ITSN1: variants seen among roughly 807,000 people sequenced by gnomAD.
The protein encoded by ITSN1 is intersectin 1, also known as intersectin-1.
In ITSN1, 58 loss-of-function variants were observed where a neutral mutation model predicts 239.8. That is an observed-to-expected ratio of 0.24 (90% confidence interval 0.20 to 0.30). The LOEUF is 0.30. Among genes scored for constraint, ITSN1 ranks in the 10% least tolerant of loss-of-function variants. The pLI is 1.00. For missense variants in ITSN1, 1,558 were observed against 2,103.3 expected (o/e 0.74, Z 5.07); for synonymous variants, 780 against 770.8 (o/e 1.01, Z -0.20).
At position 33,881,323 on chromosome 21, in the gene ITSN1, C is replaced by T. The variant is rs113860396; in HGVS notation, c.4342-920C>T. On this transcript the variant is annotated intron_variant, in intron 34 of 39. Transcript: ENST00000381318. ...CCGGGAGGCTGAGGCAGGAGAATGGCGTCAACCCGGGAGGCGGAGCTTGCA... is the reference window on the plus strand; with the variant it reads ...CCGGGAGGCTGAGGCAGGAGAATGGTGTCAACCCGGGAGGCGGAGCTTGCA... Among the ~76,000 whole-genome samples, 241 of 150,538 alleles carry T rather than the reference C, an allele frequency of 1.6e-3. 4 individuals are homozygous for T. The highest frequency in any genetic ancestry group is 5.6e-3 in the African/African-American group (227 of 40,876).
At chr21:33,786,195 G>A (rs2070661828) in intron 16 of ITSN1, among the ~76,000 whole-genome samples, 1 of 152,192 alleles carries the variant, frequency 6.6e-6, no homozygotes, top group African/African-American at 2.4e-5. Context: ...ATTATTGCTA[G>A]CATGAATTAG....
At position 33,802,374 on chromosome 21, in the gene ITSN1, C is replaced by A; in HGVS notation, c.2305-56C>A. The A allele has an allele frequency of 1.3e-5, 20 of 1,555,056 alleles. No individual in the cohort carries two copies. In the South Asian group the frequency reaches 2.0e-4, roughly 16 times the overall value. Reference sequence around the variant, plus strand: ...GTTTAGATATGCTGTAAGAATAAAGCATGTCATTAAACATATATTTTGCCT... The same window carrying A: ...GTTTAGATATGCTGTAAGAATAAAGAATGTCATTAAACATATATTTTGCCT... On this transcript the variant is annotated intron_variant, in intron 19 of 39. Transcript: ENST00000381318.
chr21:33,722,791 C>A (rs1023453298), intron 4 of ITSN1, 140 bp downstream of exon 4: 25 of 800,880 alleles, frequency 3.1e-5, no homozygotes, highest in Non-Finnish European at 4.2e-5. Flanking sequence ...TTACTTCTTA[C>A]CAGAGAGTTA....
intron 1 of ITSN1, among the ~76,000 whole-genome samples, chr21:33,671,771 G>A (rs1320305105): frequency 6.6e-6 from 1 of 151,664 alleles, no homozygotes; most frequent in Non-Finnish European, 1.5e-5. Flanking sequence ...CAGTCTGGGC[G>A]ACAAAGCGAG....
intron 1 of ITSN1, among the ~76,000 whole-genome samples, chr21:33,678,098 G>T (rs1037935997): frequency 1.3e-5 from 2 of 152,128 alleles, no homozygotes; most frequent in African/African-American, 4.8e-5. Context: ...TGCTTCTCCA[G>T]TTTCTTCCTT....
At chr21:33,684,495 C>T (rs1243548913) in intron 1 of ITSN1, among the ~76,000 whole-genome samples, 2 of 152,082 alleles carry the variant, frequency 1.3e-5, no homozygotes, top group Non-Finnish European at 2.9e-5. Context: ...CTAAGGTTAG[C>T]TTGTAGGAAC....
chr21:33,854,575 C>T (rs1426564018), intron 29 of ITSN1, among the ~76,000 whole-genome samples: 7 of 152,232 alleles, frequency 4.6e-5, no homozygotes, highest in African/African-American at 1.7e-4. Context: ...TCAAAGAACT[C>T]GGAGACATCA....
chr21:33,867,386 G>T, intron 33 of ITSN1, 55 bp downstream of exon 33: 3 of 967,812 alleles, frequency 3.1e-6, no homozygotes, highest in Non-Finnish European at 5.0e-6. Context: ...GCATTGGAGA[G>T]GGCTGGGGTC....
In ITSN1 at chr21:33,728,379, C is replaced by T. The variant is rs1010721762; in HGVS notation, c.185+5728C>T. Among the ~76,000 whole-genome samples, 3 of 152,022 alleles carry T rather than the reference C, an allele frequency of 2.0e-5. No homozygotes were observed. The South Asian group carries it at 6.2e-4, about 32-fold the overall frequency. Reference sequence around the variant, plus strand: ...TCCCGAGTAGCTGGGACTACAGGCGCGCGCCACTATGCCCAGCTAATTTTT... The same window carrying T: ...TCCCGAGTAGCTGGGACTACAGGCGTGCGCCACTATGCCCAGCTAATTTTT... On this transcript the variant is annotated intron_variant, in intron 4 of 39. Transcript: ENST00000381318.
chr21:33,742,981 A>G (rs1427144256), intron 5 of ITSN1, among the ~76,000 whole-genome samples: 1 of 152,200 alleles, frequency 6.6e-6, no homozygotes, highest in East Asian at 1.9e-4. Context: ...AAACAAGCTC[A>G]AAGAGAATAA....
chr21:33,713,433 G>T (rs1056932191), intron 1 of ITSN1, among the ~76,000 whole-genome samples: 1 of 151,886 alleles, frequency 6.6e-6, no homozygotes, highest in African/African-American at 2.4e-5. Context: ...TAGTAGAGAC[G>T]GGGTTTCACC....
intron 33 of ITSN1, among the ~76,000 whole-genome samples, chr21:33,867,644 A>G (rs998647007): frequency 6.6e-5 from 10 of 152,124 alleles, no homozygotes; most frequent in African/African-American, 1.4e-4. Flanking sequence ...CTATTAAAAA[A>G]AAAAAAAAAA....
chr21:33,707,753 C>T (rs1330231670), intron 1 of ITSN1, among the ~76,000 whole-genome samples: 1 of 152,136 alleles, frequency 6.6e-6, no homozygotes, highest in Non-Finnish European at 1.5e-5. Flanking sequence ...TGCCAAGTAG[C>T]ATTTCATTGG....
intron 3 of ITSN1, 95 bp downstream of exon 3, chr21:33,721,365 C>T: frequency 3.8e-6 from 3 of 784,284 alleles, no homozygotes; most frequent in Non-Finnish European, 6.6e-6. Flanking sequence ...CAAATATGAC[C>T]AAGGAGAGAC....
intron 28 of ITSN1, among the ~76,000 whole-genome samples, chr21:33,836,136 TC>T (rs1602533167): frequency 1.3e-5 from 2 of 152,270 alleles, no homozygotes; most frequent in East Asian, 3.9e-4. Context: ...AGGAAGGAGT[TC>T]CGCTGCACTC....
chr21:33,797,263 T>G lies in ITSN1; in HGVS notation c.1953-116T>G. ...TTCAGTTGCCCCATCTGAACAACAATGTTCCCTTGATGTTCCCATCCCATT... is the reference window on the plus strand; with the variant it reads ...TTCAGTTGCCCCATCTGAACAACAAGGTTCCCTTGATGTTCCCATCCCATT... On this transcript the variant is annotated intron_variant, in intron 17 of 39. Transcript: ENST00000381318. The surrounding 1 kb of genome is among the most constrained non-coding windows in gnomAD (Gnocchi z 4.9). The G allele has an allele frequency of 3.8e-6, 3 of 781,866 alleles. No individual in the cohort carries two copies. Among genetic ancestry groups the G allele is most frequent in the Non-Finnish European group, 6.5e-6 (3 of 461,968 alleles). The allele number at this position is 781,866 out of a possible 1,614,324, so 48.4% of individuals were successfully genotyped here.
rs1361124897 is a variant in ITSN1 at position 33,876,133 on chromosome 21, CTTTCTTTCTTTCTTTCTT to C, written c.4341+614_4341+631del. Reference sequence around the variant, plus strand: ...TCTTTCTTTCTTTCTTTCTTTCTTTCTTTCTTTCTTTCTTTCTTTCTCTCTCTCCCTCTTTCTTTCTTT... The same window carrying C: ...TCTTTCTTTCTTTCTTTCTTTCTTTCTCTCTCTCTCCCTCTTTCTTTCTTT... On this transcript the variant is annotated intron_variant, in intron 34 of 39. Coordinates refer to ENST00000381318, the MANE Select transcript of ITSN1 (RefSeq NM_003024.3). 2.0e-3 allele frequency among the ~76,000 whole-genome samples: 31 copies of C among 15,860 alleles called. 1 individual carries two copies. The African/African-American group carries it at 0.03, about 16-fold the overall frequency. The allele number at this position is 15,860 out of a possible 152,430, so 10.4% of individuals were successfully genotyped here.
At chr21:33,662,698 A>G (rs2089650620) in intron 1 of ITSN1, among the ~76,000 whole-genome samples, 1 of 152,222 alleles carries the variant, frequency 6.6e-6, no homozygotes, top group Admixed American at 6.5e-5. Flanking sequence ...AGTTGTGCTC[A>G]GCTCATATAA....
At chr21:33,819,115 C>T (rs2073481608) in intron 23 of ITSN1, 126 bp from the exon 24 acceptor site, 1 of 656,344 alleles carries the variant, frequency 1.5e-6, no homozygotes, top group Admixed American at 2.7e-5. Context: ...TAGCTAAGTA[C>T]AACTATTTCA....
Sources: gnomAD v4.1 joint callset for allele counts (sites outside exome capture counted in the v4.1 genomes callset) on GRCh38, gnomAD v4.1.1 for gene constraint, Gnocchi (gnomAD v3.1) non-coding constraint, MANE v1.5 for transcripts, NCBI Gene and HGNC (gene_info 2026-07-23, HGNC 2026-07-21) for gene names.